The following PHKG2 variants were observed in gnomAD, a reference collection of about 807,000 sequenced individuals.
The protein encoded by PHKG2 is phosphorylase kinase catalytic subunit gamma 2, also known as phosphorylase b kinase gamma catalytic chain, liver/testis isoform.
Under a neutral mutation model 44.5 loss-of-function variants are expected in PHKG2, and 28 were observed. The observed-to-expected ratio is 0.63, with a 90% CI of 0.47 to 0.86. The LOEUF (loss-of-function observed/expected upper bound fraction) is 0.86, where lower values mean the gene tolerates loss of function less well. Among genes scored for constraint, PHKG2 ranks in the 40% least tolerant of loss-of-function variants. The pLI is 0.00. For missense variants in PHKG2, 498 were observed against 547.5 expected (o/e 0.91, Z 0.90); for synonymous variants, 220 against 211.2 (o/e 1.04, Z -0.36).
chr16:30,757,562 T>A lies in PHKG2; in HGVS notation c.*465T>A. 1 of 1,614,266 alleles carries A rather than the reference T, an allele frequency of 6.2e-7. No homozygotes were observed. The highest frequency in any genetic ancestry group is 8.5e-7 in the Non-Finnish European group (1 of 1,180,036). ...AACTTGCTGCTGAGCCTTTCCTCGC[T>A]GGCCTTGAGCCGCTCCTCCACCAGC... On this transcript the variant is annotated 3_prime_UTR_variant, in exon 10 of 10. Transcript: ENST00000563588.
chr16:30,749,797 G>T (rs1231775667), intron 2 of PHKG2, among the ~76,000 whole-genome samples: 1 of 152,164 alleles, frequency 6.6e-6, no homozygotes, highest in Non-Finnish European at 1.5e-5. Context: ...AGATGCGTAT[G>T]CCCTGGAGGT....
rs148036324 is a variant in PHKG2, at chr16:30,753,404, C to T, written c.403C>T (p.Arg135Trp). The change falls in exon 6 of 10, where the codon CGG becomes TGG. Residue 135 changes from arginine (R) to tryptophan (W), a missense_variant. By Grantham distance (101) the Arg-to-Trp change is moderately radical. Coordinates refer to ENST00000563588, the MANE Select transcript of PHKG2 (RefSeq NM_000294.3). ...LSEKETRSIMRSLLEAVSFLH... is the reference protein window; with the variant it reads ...LSEKETRSIMWSLLEAVSFLH... ...CTCCCCTTCCCCCAGGTCCATCATGCGGTCTCTGCTGGAAGCAGTGAGCTT... is the reference window on the plus strand; with the variant it reads ...CTCCCCTTCCCCCAGGTCCATCATGTGGTCTCTGCTGGAAGCAGTGAGCTT... The T allele has an allele frequency of 3.2e-5, 52 of 1,614,024 alleles. No individual in the cohort carries two copies. The highest frequency in any genetic ancestry group is 4.5e-5 in the East Asian group (2 of 44,896).
chr16:30,748,678 A>AAC, intron 1 of PHKG2, 125 bp from the exon 2 acceptor site: 14 of 164,006 alleles, frequency 8.5e-5, no homozygotes, highest in Non-Finnish European at 1.6e-4. Context: ...TCCTTCCCCC[A>AAC]CCCCCCCCCA....
Position 30,753,427 on chromosome 16 carries a change from C to A in PHKG2, c.426C>A (p.Ser142Arg). 6.2e-7 allele frequency: 1 copy of A among 1,614,218 alleles called. No individual in the cohort carries two copies. Among genetic ancestry groups the A allele is most frequent in the Non-Finnish European group, 8.5e-7 (1 of 1,180,048 alleles). The change falls in exon 6 of 10, where the codon AGC becomes AGA. Residue 142 changes from serine (S) to arginine (R), a missense_variant. By Grantham distance (110) the Ser-to-Arg change is moderately radical. Transcript: ENST00000563588. ...TGCGGTCTCTGCTGGAAGCAGTGAG[C>A]TTTCTCCATGCCAACAACATTGTGC... is the stretch of plus-strand genomic sequence containing the variant. ...SIMRSLLEAVSFLHANNIVHR... is the reference protein window; with the variant it reads ...SIMRSLLEAVRFLHANNIVHR...
In PHKG2 at chr16:30,758,796, C is replaced by G; in HGVS notation, c.*1699C>G. 1.3e-6 allele frequency: 1 copy of G among 753,566 alleles called. No individual in the cohort carries two copies. Among genetic ancestry groups the G allele is most frequent in the Non-Finnish European group, 2.1e-6 (1 of 485,790 alleles). The allele number at this position is 753,566 out of a possible 1,614,324, so 46.7% of individuals were successfully genotyped here. On this transcript the variant is annotated 3_prime_UTR_variant, in exon 10 of 10. Transcript: ENST00000563588. The stretch of plus-strand genomic sequence containing the variant: ...TCGCGAACTCCTGAGCTCAGGCAAT[C>G]CGCCTGCCTCAGATTGTGCTGGGAT...
In PHKG2 at chr16:30,759,204, G is replaced by A. The variant is rs1483951031; in HGVS notation, c.*2107G>A. 2 of 1,614,182 alleles carry A rather than the reference G, an allele frequency of 1.2e-6. No individual in the cohort carries two copies. The highest frequency in any genetic ancestry group is 1.1e-5 in the South Asian group (1 of 91,086). On this transcript the variant is annotated 3_prime_UTR_variant, in exon 10 of 10. Transcript: ENST00000563588. ...CGTCTCACTCTCTGGCCACAGTTTG[G>A]GTGGCTGTAGCCCCATGTAAGTCAA... is the stretch of plus-strand genomic sequence containing the variant.
At chr16:30,754,039 T>C (rs1357445322) in intron 6 of PHKG2, among the ~76,000 whole-genome samples, 2 of 152,242 alleles carry the variant, frequency 1.3e-5, no homozygotes, top group African/African-American at 4.8e-5. Context: ...AAAATTCACC[T>C]GTGGGATTCT....
intron 2 of PHKG2, 78 bp from the exon 3 acceptor site, chr16:30,751,028 T>C (rs2053336297): frequency 1.4e-6 from 2 of 1,445,192 alleles, no homozygotes; most frequent in Non-Finnish European, 1.9e-6. Context: ...ACAGCGGGCA[T>C]GAGGATGCTG....
intron 4 of PHKG2, chr16:30,752,861 C>G (rs1393910801): frequency 3.0e-6 from 1 of 331,848 alleles, no homozygotes; most frequent in Non-Finnish European, 5.7e-6. Flanking sequence ...GACGAAACTT[C>G]AAAATAAGGT....
At chr16:30,755,127 A>C (rs911475219) in intron 6 of PHKG2, 1 of 325,670 alleles carries the variant, frequency 3.1e-6, no homozygotes, top group Non-Finnish European at 6.2e-6. Context: ...CTGTCACCCC[A>C]GCTACTCGGG....
chr16:30,760,290 A>G lies in PHKG2; in HGVS notation c.*3193A>G, dbSNP rs1198874040. The stretch of plus-strand genomic sequence containing the variant: ...GGTAGCTGCCCCCTCTCACCAATAC[A>G]AGCCTTGTGAAGATCCTGGAGCAGG... On this transcript the variant is annotated 3_prime_UTR_variant, in exon 10 of 10. Transcript: ENST00000563588. 16 of 1,614,070 alleles carry G rather than the reference A, an allele frequency of 9.9e-6. No individual in the cohort carries two copies. Among genetic ancestry groups the G allele is most frequent in the Non-Finnish European group, 1.4e-5 (16 of 1,180,008 alleles).
At position 30,760,055 on chromosome 16, in the gene PHKG2, AT is replaced by A; in HGVS notation, c.*2959del. 6.5e-7 allele frequency: 1 copy of A among 1,526,890 alleles called. No homozygotes were observed. Among genetic ancestry groups the A allele is most frequent in the South Asian group, 1.2e-5 (1 of 82,558 alleles). 94.6% of individuals were successfully genotyped at this position (1,526,890 alleles called of 1,614,324 possible). A position where few individuals can be genotyped will look rare whatever the true frequency, so the allele number is the denominator to read the frequency against. The stretch of plus-strand genomic sequence containing the variant: ...GCAGGTGTTATTGTGCACTATGCAT[AT>A]ATTTGCATATATTATTTCTCAGAAC... On this transcript the variant is annotated 3_prime_UTR_variant, in exon 10 of 10. Coordinates refer to ENST00000563588, the MANE Select transcript of PHKG2 (RefSeq NM_000294.3).
chr16:30,760,366 A>T lies in PHKG2; in HGVS notation c.*3269A>T. The stretch of plus-strand genomic sequence containing the variant: ...GTGAGAAGCCCTGCTGGCGGCAGAA[A>T]ATGAGCGCGTGGCAGAAGAGGTCCA... On this transcript the variant is annotated 3_prime_UTR_variant, in exon 10 of 10. Coordinates refer to ENST00000563588, the MANE Select transcript of PHKG2 (RefSeq NM_000294.3). 6.2e-7 allele frequency: 1 copy of T among 1,614,168 alleles called. No individual in the cohort carries two copies. The highest frequency in any genetic ancestry group is 8.5e-7 in the Non-Finnish European group (1 of 1,180,034).
Position 30,758,049 on chromosome 16 carries a change from G to T in PHKG2, c.*952G>T. 6.0e-6 allele frequency: 1 copy of T among 167,102 alleles called. No homozygotes were observed. Among genetic ancestry groups the T allele is most frequent in the Non-Finnish European group, 1.3e-5 (1 of 78,674 alleles). 10.4% of individuals were successfully genotyped at this position (167,102 alleles called of 1,614,324 possible). On this transcript the variant is annotated 3_prime_UTR_variant, in exon 10 of 10. Coordinates refer to ENST00000563588, the MANE Select transcript of PHKG2 (RefSeq NM_000294.3). ...CACACCTATTGCCAAGTATGTGCTG[G>T]CTGTTATTGTCATTGGCTTTCTCTT...
chr16:30,751,311 A>C (rs1415066568), intron 3 of PHKG2, 30 bp downstream of exon 3: 1 of 1,605,632 alleles, frequency 6.2e-7, no homozygotes, highest in Admixed American at 1.7e-5. Flanking sequence ...TCCTGTTAGC[A>C]GACGACCCCC....
rs543365803 is a variant in PHKG2 at position 30,759,473 on chromosome 16, C to A, written c.*2376C>A. The A allele has an allele frequency of 6.2e-7, 1 of 1,613,978 alleles. No homozygotes were observed. Among genetic ancestry groups the A allele is most frequent in the Non-Finnish European group, 8.5e-7 (1 of 1,180,038 alleles). ...AAAGGAGGCCGCTGTGGTGGTGACT[C>A]GGAATTAGAACCCTGACTACCTTCC... On this transcript the variant is annotated 3_prime_UTR_variant, in exon 10 of 10. Transcript: ENST00000563588.
chr16:30,760,406 C>T lies in PHKG2; in HGVS notation c.*3309C>T. 1 of 1,614,200 alleles carries T rather than the reference C, an allele frequency of 6.2e-7. No homozygotes were observed. Among genetic ancestry groups the T allele is most frequent in the Non-Finnish European group, 8.5e-7 (1 of 1,180,038 alleles). On this transcript the variant is annotated 3_prime_UTR_variant, in exon 10 of 10. Coordinates refer to ENST00000563588, the MANE Select transcript of PHKG2 (RefSeq NM_000294.3). ...GAAGAGGTCCAGGGTGATGGCGTCC[C>T]TCAGGCTCTGCTCAGGACACCCTAG...
In PHKG2 at chr16:30,749,106, C is replaced by CTGCTGCTGGTGCTGCTGG. The variant is rs1567259550; in HGVS notation, c.95+196_95+197insCTGGTGCTGCTGGTGCTG. Among the ~76,000 whole-genome samples the CTGCTGCTGGTGCTGCTGG allele has an allele frequency of 5.5e-4, 28 of 50,530 alleles. 7 individuals carry two copies. The highest frequency in any genetic ancestry group is 3.1e-3 in the African/African-American group (24 of 7,788). The allele number at this position is 50,530 out of a possible 152,430, so 33.1% of individuals were successfully genotyped here. Reference sequence around the variant, plus strand: ...GGTGGTGGTGCTGCTGCTGCTGCTGCTGCTGGTGGTGCTGGTGCTGGTGGT... The same window carrying CTGCTGCTGGTGCTGCTGG: ...GGTGGTGGTGCTGCTGCTGCTGCTGCTGCTGCTGGTGCTGCTGGTGCTGGTGGTGCTGGTGCTGGTGGT... On this transcript the variant is annotated intron_variant, in intron 2 of 9. Coordinates refer to ENST00000563588, the MANE Select transcript of PHKG2 (RefSeq NM_000294.3).
Position 30,757,271 on chromosome 16 carries a change from T to G in PHKG2, c.*174T>G, listed in dbSNP as rs2053449065. On this transcript the variant is annotated 3_prime_UTR_variant, in exon 10 of 10. Coordinates refer to ENST00000563588, the MANE Select transcript of PHKG2 (RefSeq NM_000294.3). ...CTGGCCAGGACTCTGAGATCAGAGC[T>G]GGGGTGGAAGGGAGCCATTCTGAAC... The G allele has an allele frequency of 2.6e-6, 4 of 1,553,084 alleles. No homozygotes were observed. Among genetic ancestry groups the G allele is most frequent in the Non-Finnish European group, 3.5e-6 (4 of 1,158,018 alleles).
Sources: gnomAD v4.1 joint callset for allele counts (sites outside exome capture counted in the v4.1 genomes callset) on GRCh38, gnomAD v4.1.1 for gene constraint, MANE v1.5 for transcripts, NCBI Gene and HGNC (gene_info 2026-07-23, HGNC 2026-07-21) for gene names.